The following ABHD13 variants were observed in gnomAD, a reference collection of about 807,000 sequenced individuals.
ABHD13 encodes abhydrolase domain containing 13.
ABHD13 carries 7 observed loss-of-function variants against 25.2 expected under a neutral mutation model. The ratio of observed to expected loss-of-function variants is 0.28; its 90% confidence interval spans 0.16 to 0.52. The LOEUF (loss-of-function observed/expected upper bound fraction) is 0.52. Ranked by LOEUF, ABHD13 falls within the 20% of genes least tolerant of loss-of-function variation. ABHD13 has a pLI of 0.96. For synonymous variants in ABHD13, 133 were observed against 136.1 expected, an observed-to-expected ratio of 0.98 and a Z score of 0.16; for missense variants, 302 against 402.7, an observed-to-expected ratio of 0.75 and a Z score of 2.14.
chr13:108,225,134 T>TA (rs1414564800), intron 1 of ABHD13, among the ~76,000 whole-genome samples: 2 of 152,344 alleles, frequency 1.3e-5, no homozygotes, highest in South Asian at 2.1e-4. Context: ...CCTGGGTTTT[T>TA]AAAAAATGTA....
At position 108,232,094 on chromosome 13, in the gene ABHD13, ATT is replaced by A. The variant is rs1198543877; in HGVS notation, c.*1863_*1864del. 6.0e-6 allele frequency: 1 copy of A among 165,998 alleles called. No individual in the cohort carries two copies. Among genetic ancestry groups the A allele is most frequent in the African/African-American group, 2.4e-5 (1 of 41,250 alleles). 10.3% of individuals were successfully genotyped at this position (165,998 alleles called of 1,614,324 possible). Reference sequence around the variant, plus strand: ...ACATGGCATACCTTATATTTGTATCATTCTTTAAAGTTTACAAAAAAAAACCT... The same window carrying A: ...ACATGGCATACCTTATATTTGTATCACTTTAAAGTTTACAAAAAAAAACCT... On this transcript the variant is annotated 3_prime_UTR_variant, in exon 2 of 2. Transcript: ENST00000375898.
chr13:108,230,854 C>G lies in ABHD13; in HGVS notation c.*622C>G, dbSNP rs1879788476. The G allele has an allele frequency of 6.0e-6, 1 of 166,784 alleles. No homozygotes were observed. The highest frequency in any genetic ancestry group is 6.6e-5 in the Admixed American group (1 of 15,226). 10.3% of individuals were successfully genotyped at this position (166,784 alleles called of 1,614,324 possible). ...GTGCAGGTTGCCATTGAATTTTGCT[C>G]TGGTGAATGCTGAGATCCAGCTTTT... On this transcript the variant is annotated 3_prime_UTR_variant, in exon 2 of 2. Coordinates refer to ENST00000375898, the MANE Select transcript of ABHD13 (RefSeq NM_032859.3).
chr13:108,225,153 C>T (rs185401877), intron 1 of ABHD13, among the ~76,000 whole-genome samples: 57 of 152,188 alleles, frequency 3.7e-4, no homozygotes, highest in African/African-American at 1.1e-3. Flanking sequence ...TATTTGTTTA[C>T]ACATCATGCT....
rs1045288812 is a variant in ABHD13 at position 108,230,423 on chromosome 13, A to T, written c.*191A>T. 2 of 537,756 alleles carry T rather than the reference A, an allele frequency of 3.7e-6. No homozygotes were observed. The highest frequency in any genetic ancestry group is 6.6e-6 in the Non-Finnish European group (2 of 301,272). 33.3% of individuals were successfully genotyped at this position (537,756 alleles called of 1,614,324 possible). On this transcript the variant is annotated 3_prime_UTR_variant, in exon 2 of 2. Transcript: ENST00000375898. ...AAACTAATTCTTGGGATTCTTTCAT[A>T]CATTTTCATCAAAACTTTCAGTGTG...
chr13:108,220,048 T>G (rs1879524425), intron 1 of ABHD13, among the ~76,000 whole-genome samples: 1 of 152,224 alleles, frequency 6.6e-6, no homozygotes, highest in African/African-American at 2.4e-5. Flanking sequence ...CTTAACACAC[T>G]ATTACATTTT....
Position 108,226,715 on chromosome 13 carries a change from T to G in ABHD13, c.-20-2484T>G, listed in dbSNP as rs111501966. On this transcript the variant is annotated intron_variant, in intron 1 of 1. Transcript: ENST00000375898. ...CATAACATCTGGGTATGAAGTTGTTTTTACATCTCAGCAGATGGTGCATGG... is the reference window on the plus strand; with the variant it reads ...CATAACATCTGGGTATGAAGTTGTTGTTACATCTCAGCAGATGGTGCATGG... Among the ~76,000 whole-genome samples, 847 of 152,292 alleles carry G rather than the reference T, an allele frequency of 5.6e-3. 3 individuals are homozygous for G. The highest frequency in any genetic ancestry group is 0.019 in the African/African-American group (784 of 41,572).
At position 108,231,243 on chromosome 13, in the gene ABHD13, T is replaced by C. The variant is rs557170452; in HGVS notation, c.*1011T>C. 1 of 167,012 alleles carries C rather than the reference T, an allele frequency of 6.0e-6. No homozygotes were observed. The highest frequency in any genetic ancestry group is 2.1e-4 in the South Asian group (1 of 4,834). 10.3% of individuals were successfully genotyped at this position (167,012 alleles called of 1,614,324 possible). A position where few individuals can be genotyped will look rare whatever the true frequency, so the allele number is the denominator to read the frequency against. ...CCTATCAAAGGCAAGATATCATTTA[T>C]TGGACTTCTTGAAAATAAAAGTTAC... is the stretch of plus-strand genomic sequence containing the variant. On this transcript the variant is annotated 3_prime_UTR_variant, in exon 2 of 2. Coordinates refer to ENST00000375898, the MANE Select transcript of ABHD13 (RefSeq NM_032859.3).
chr13:108,226,911 C>T (rs1462913784), intron 1 of ABHD13, among the ~76,000 whole-genome samples: 5 of 151,986 alleles, frequency 3.3e-5, no homozygotes, highest in African/African-American at 9.7e-5. Context: ...TAAGGCAATC[C>T]GTGAGTGGAG....
At chr13:108,228,032 G>A (rs188668744) in intron 1 of ABHD13, among the ~76,000 whole-genome samples, 3 of 152,102 alleles carry the variant, frequency 2.0e-5, no homozygotes, top group African/African-American at 7.2e-5. Context: ...CTTTATAGCA[G>A]TTTGGTCAGT....
chr13:108,223,804 A>T (rs1406332939), intron 1 of ABHD13, among the ~76,000 whole-genome samples: 3 of 152,226 alleles, frequency 2.0e-5, no homozygotes, highest in African/African-American at 7.2e-5. Flanking sequence ...GCATAGAAAG[A>T]TCTCAGATTT....
chr13:108,219,125 C>T (rs1427505402), intron 1 of ABHD13, among the ~76,000 whole-genome samples: 1 of 152,016 alleles, frequency 6.6e-6, no homozygotes, highest in African/African-American at 2.4e-5. Context: ...AGAATAATTC[C>T]AGCTACTAGG....
Position 108,231,620 on chromosome 13 carries a change from T to C in ABHD13, c.*1388T>C, listed in dbSNP as rs1276215048. 6.1e-6 allele frequency: 1 copy of C among 164,756 alleles called. No homozygotes were observed. The highest frequency in any genetic ancestry group is 1.5e-5 in the Non-Finnish European group (1 of 67,252). 10.2% of individuals were successfully genotyped at this position (164,756 alleles called of 1,614,324 possible). A position where few individuals can be genotyped will look rare whatever the true frequency, so the allele number is the denominator to read the frequency against. ...GTTGTTTCATGCAGTCCTCAAAAAT[T>C]AGATGTAATTGAGCTTTGTGTAATA... is the stretch of plus-strand genomic sequence containing the variant. On this transcript the variant is annotated 3_prime_UTR_variant, in exon 2 of 2. Coordinates refer to ENST00000375898, the MANE Select transcript of ABHD13 (RefSeq NM_032859.3).
Position 108,230,223 on chromosome 13 carries a change from A to G in ABHD13, c.1005A>G (p.Thr335=). 6.3e-7 allele frequency: 1 copy of G among 1,583,806 alleles called. No homozygotes were observed. The highest frequency in any genetic ancestry group is 2.2e-5 in the East Asian group (1 of 44,516). The part of the protein sequence containing the change: ...EEMAKTSSNV[T]II The stretch of plus-strand genomic sequence containing the variant: ...TGGCAAAAACTTCATCTAATGTAAC[A>G]ATTATATAATGTTTCCCTTTTTGAT... Residue 335 remains threonine (T), a synonymous_variant, in exon 2 of 2, where the codon ACA becomes ACG. Transcript: ENST00000375898.
rs1318619104 is a variant in ABHD13, at chr13:108,219,708, G to T, written c.-21+1049G>T. Among the ~76,000 whole-genome samples the T allele has an allele frequency of 2.6e-5, 4 of 152,296 alleles. No homozygotes were observed. The East Asian group carries it at 7.7e-4, about 29-fold the overall frequency. ...ATAGGACGAGGTCTCTGTCATCGAG[G>T]AACTCACAGCCTGTGTAAGCAGGTT... On this transcript the variant is annotated intron_variant, in intron 1 of 1. Coordinates refer to ENST00000375898, the MANE Select transcript of ABHD13 (RefSeq NM_032859.3).
chr13:108,233,333 A>C lies in ABHD13; in HGVS notation c.*3101A>C, dbSNP rs1045991722. On this transcript the variant is annotated 3_prime_UTR_variant, in exon 2 of 2. Transcript: ENST00000375898. Reference sequence around the variant, plus strand: ...TGAAGGCCATATTTCATTTTTTATAAATTATCTTTCAAGCTCAGATAGCTT... The same window carrying C: ...TGAAGGCCATATTTCATTTTTTATACATTATCTTTCAAGCTCAGATAGCTT... 2 of 166,818 alleles carry C rather than the reference A, an allele frequency of 1.2e-5. No homozygotes were observed. The highest frequency in any genetic ancestry group is 2.4e-5 in the African/African-American group (1 of 41,422). 10.3% of individuals were successfully genotyped at this position (166,818 alleles called of 1,614,324 possible).
Position 108,233,663 on chromosome 13 carries a change from G to C in ABHD13, c.*3431G>C, listed in dbSNP as rs1008267858. 1.2e-5 allele frequency: 2 copies of C among 166,558 alleles called. No individual in the cohort carries two copies. The highest frequency in any genetic ancestry group is 4.8e-5 in the African/African-American group (2 of 41,392). The allele number at this position is 166,558 out of a possible 1,614,324, so 10.3% of individuals were successfully genotyped here. A position where few individuals can be genotyped will look rare whatever the true frequency, so the allele number is the denominator to read the frequency against. On this transcript the variant is annotated 3_prime_UTR_variant, in exon 2 of 2. Coordinates refer to ENST00000375898, the MANE Select transcript of ABHD13 (RefSeq NM_032859.3). ...CAGACATTTATTTTTTAAATTGATAGGGTAGAAAATGAAATGTACTTCTGT... is the reference window on the plus strand; with the variant it reads ...CAGACATTTATTTTTTAAATTGATACGGTAGAAAATGAAATGTACTTCTGT...
chr13:108,232,732 C>A lies in ABHD13; in HGVS notation c.*2500C>A, dbSNP rs1346003854. 6.0e-6 allele frequency: 1 copy of A among 166,586 alleles called. No individual in the cohort carries two copies. Among genetic ancestry groups the A allele is most frequent in the Admixed American group, 6.6e-5 (1 of 15,198 alleles). 10.3% of individuals were successfully genotyped at this position (166,586 alleles called of 1,614,324 possible). ...GATCCTAGAGTGATCTTAAATATGG[C>A]AAGATACAGCTCATTTAGAATAAAA... On this transcript the variant is annotated 3_prime_UTR_variant, in exon 2 of 2. Coordinates refer to ENST00000375898, the MANE Select transcript of ABHD13 (RefSeq NM_032859.3).
chr13:108,231,707 A>C lies in ABHD13; in HGVS notation c.*1475A>C, dbSNP rs548262906. ...TAGCTATATTTAGTGGCTTTCTGCA[A>C]GCAACTAGAACAGAGAAGTAATGGG... On this transcript the variant is annotated 3_prime_UTR_variant, in exon 2 of 2. Transcript: ENST00000375898. 6.0e-6 allele frequency: 1 copy of C among 166,856 alleles called. No homozygotes were observed. The highest frequency in any genetic ancestry group is 2.4e-5 in the African/African-American group (1 of 41,536). The allele number at this position is 166,856 out of a possible 1,614,324, so 10.3% of individuals were successfully genotyped here.
rs931858877 is a variant in ABHD13, at chr13:108,229,058, G to A, written c.-20-141G>A. 9.3e-5 allele frequency: 49 copies of A among 526,582 alleles called. No homozygotes were observed. Among genetic ancestry groups the A allele is most frequent in the Non-Finnish European group, 1.1e-4 (36 of 316,960 alleles). 32.6% of individuals were successfully genotyped at this position (526,582 alleles called of 1,614,324 possible). ...AACAGAAAGGACAAGGGAAATTATA[G>A]CAGCTACTTTTGTGGATGGACTGTA... On this transcript the variant is annotated intron_variant, in intron 1 of 1. Transcript: ENST00000375898. This position sits in a 1 kb window ranked among gnomAD's most constrained non-coding sequence, Gnocchi z 4.7.
Sources: gnomAD v4.1 joint callset for allele counts (sites outside exome capture counted in the v4.1 genomes callset) on GRCh38, gnomAD v4.1.1 for gene constraint, Gnocchi (gnomAD v3.1) non-coding constraint, MANE v1.5 for transcripts, NCBI Gene and HGNC (gene_info 2026-07-23, HGNC 2026-07-21) for gene names.